The following KCNJ3 variants were observed in gnomAD, a reference collection of about 807,000 sequenced individuals.
KCNJ3 encodes the protein potassium inwardly rectifying channel subfamily J member 3.
Under a neutral mutation model 39.2 loss-of-function variants are expected in KCNJ3, and 4 were observed. That is an observed-to-expected ratio of 0.10 (90% CI 0.05 to 0.23). KCNJ3 has a LOEUF of 0.23. Among genes scored for constraint, KCNJ3 ranks in the 10% least tolerant of loss-of-function variants. KCNJ3 has a pLI of 1.00. For synonymous variants in KCNJ3, 230 were observed against 237.4 expected, an observed-to-expected ratio of 0.97 and a Z score of 0.29; for missense variants, 276 against 634.9, an observed-to-expected ratio of 0.43 and a Z score of 6.08.
At chr2:154,821,032 A>AT (rs1211138568) in intron 2 of KCNJ3, among the ~76,000 whole-genome samples, 1 of 152,126 alleles carries the variant, frequency 6.6e-6, no homozygotes, top group African/African-American at 2.4e-5. Flanking sequence ...GCTCCTGGAT[A>AT]TTATACATTC....
chr2:154,716,339 A>G (rs1685180685), intron 2 of KCNJ3, among the ~76,000 whole-genome samples: 1 of 133,096 alleles, frequency 7.5e-6, no homozygotes, highest in Non-Finnish European at 1.5e-5. Flanking sequence ...GTTCGCCAGG[A>G]TGGTCTTGAT....
intron 2 of KCNJ3, among the ~76,000 whole-genome samples, chr2:154,710,326 G>C (rs574097180): frequency 6.6e-6 from 1 of 152,036 alleles, no homozygotes; most frequent in African/African-American, 2.4e-5. Flanking sequence ...TTTTAATATC[G>C]AAGTGGGTCA....
chr2:154,788,945 G>A (rs180850696), intron 2 of KCNJ3, among the ~76,000 whole-genome samples: 15 of 152,134 alleles, frequency 9.9e-5, no homozygotes, highest in Admixed American at 2.0e-4. Context: ...TTAAAAAGCC[G>A]TGTTATCTGT....
At chr2:154,760,828 C>G (rs1686027583) in intron 2 of KCNJ3, among the ~76,000 whole-genome samples, 1 of 149,808 alleles carries the variant, frequency 6.7e-6, no homozygotes, top group South Asian at 2.1e-4. Flanking sequence ...GTTCCGCCTC[C>G]CGGGTTCATG....
chr2:154,701,862 T>C (rs1403292924), intron 1 of KCNJ3, among the ~76,000 whole-genome samples: 1 of 151,980 alleles, frequency 6.6e-6, no homozygotes, highest in Non-Finnish European at 1.5e-5. Flanking sequence ...CTTCAACTAG[T>C]CAGTTAGCGT....
chr2:154,818,837 A>G (rs1430787399), intron 2 of KCNJ3, among the ~76,000 whole-genome samples: 3 of 148,386 alleles, frequency 2.0e-5, no homozygotes, highest in Non-Finnish European at 4.5e-5. Flanking sequence ...TGCTTTTGAC[A>G]TTTTGTCCAT....
intron 2 of KCNJ3, among the ~76,000 whole-genome samples, chr2:154,785,407 G>A (rs915844424): frequency 3.9e-5 from 6 of 152,272 alleles, no homozygotes; most frequent in Admixed American, 6.5e-5. Flanking sequence ...TATGGTTTGC[G>A]TGTTTGTCCC....
intron 2 of KCNJ3, among the ~76,000 whole-genome samples, chr2:154,726,477 TG>T (rs1405550611): frequency 1.3e-5 from 2 of 152,084 alleles, no homozygotes; most frequent in Non-Finnish European, 2.9e-5. Context: ...TTAGTGTGGA[TG>T]TGGTGAAAAA....
chr2:154,808,683 A>T (rs1003486093), intron 2 of KCNJ3, among the ~76,000 whole-genome samples: 1 of 152,148 alleles, frequency 6.6e-6, no homozygotes, highest in Admixed American at 6.5e-5. Context: ...GGCATCCCAA[A>T]TTTAAAAACT....
At chr2:154,764,860 T>A (rs1574453472) in intron 2 of KCNJ3, among the ~76,000 whole-genome samples, 1 of 152,190 alleles carries the variant, frequency 6.6e-6, no homozygotes, top group Non-Finnish European at 1.5e-5. Context: ...CTCTCTTGGA[T>A]CCTTGGATGC....
intron 2 of KCNJ3, among the ~76,000 whole-genome samples, chr2:154,783,118 C>T (rs912985285): frequency 6.6e-6 from 1 of 151,908 alleles, no homozygotes; most frequent in Non-Finnish European, 1.5e-5. Flanking sequence ...GCGGAGGTTG[C>T]GGTGGGCCAA....
In KCNJ3 at chr2:154,744,890, G is replaced by A. The variant is rs568073536; in HGVS notation, c.919+35071G>A. 1.3e-4 allele frequency among the ~76,000 whole-genome samples: 20 copies of A among 151,996 alleles called. 1 individual carries two copies. In the South Asian group the frequency reaches 3.9e-3, roughly 30 times the overall value. On this transcript the variant is annotated intron_variant, in intron 2 of 2. Transcript: ENST00000295101. The stretch of plus-strand genomic sequence containing the variant: ...TGCTATAAGTTTCCATCTCAGCACT[G>A]CTTTAACTGTGTTGCTCTAATTTAA...
chr2:154,794,382 T>G (rs1686685491), intron 2 of KCNJ3, among the ~76,000 whole-genome samples: 1 of 152,022 alleles, frequency 6.6e-6, no homozygotes, highest in Non-Finnish European at 1.5e-5. Context: ...ACATTTTCAA[T>G]TTTAAGTAGA....
chr2:154,797,192 G>A (rs1283746174), intron 2 of KCNJ3, among the ~76,000 whole-genome samples: 2 of 152,136 alleles, frequency 1.3e-5, no homozygotes, highest in Non-Finnish European at 1.5e-5. Flanking sequence ...GTCTGGTGCC[G>A]AAGCATTTTA....
At chr2:154,850,022 T>G (rs1053339602) in intron 2 of KCNJ3, among the ~76,000 whole-genome samples, 79 of 121,488 alleles carry the variant, frequency 6.5e-4, no homozygotes, top group Non-Finnish European at 1.0e-3. Context: ...TTTTTTTTTT[T>G]TTTTTTTTTT....
intron 2 of KCNJ3, among the ~76,000 whole-genome samples, chr2:154,783,608 T>C (rs1011430104): frequency 3.9e-5 from 6 of 152,172 alleles, no homozygotes; most frequent in Admixed American, 2.0e-4. Context: ...TCATAAAAAC[T>C]TCATGAGGTA....
chr2:154,855,780 TACATAC>T lies in KCNJ3; in HGVS notation c.*475_*480del, dbSNP rs1290699314. The T allele has an allele frequency of 2.6e-5, 4 of 152,428 alleles. No individual in the cohort carries two copies. Among genetic ancestry groups the T allele is most frequent in the East Asian group, 3.9e-4 (2 of 5,166 alleles). The allele number at this position is 152,428 out of a possible 1,614,324, so 9.4% of individuals were successfully genotyped here. On this transcript the variant is annotated 3_prime_UTR_variant, in exon 3 of 3. Transcript: ENST00000295101. ...ACACATATACATATATATATACACA[TACATAC>T]ACATACATACATACATACATATATA...
rs146651400 is a variant in KCNJ3, at chr2:154,845,649, G to C, written c.920-9078G>C. On this transcript the variant is annotated intron_variant, in intron 2 of 2. Coordinates refer to ENST00000295101, the MANE Select transcript of KCNJ3 (RefSeq NM_002239.4). ...TTGATGAGACTGGGACATTTCCACTGTTAGGTTAAAGGAATAATAATCAGT... is the reference window on the plus strand; with the variant it reads ...TTGATGAGACTGGGACATTTCCACTCTTAGGTTAAAGGAATAATAATCAGT... 5.8e-4 allele frequency among the ~76,000 whole-genome samples: 89 copies of C among 152,240 alleles called. No individual in the cohort carries two copies. In the East Asian group the frequency reaches 0.01, roughly 18 times the overall value.
intron 2 of KCNJ3, among the ~76,000 whole-genome samples, chr2:154,854,120 C>T (rs1687800976): frequency 6.6e-6 from 1 of 152,134 alleles, no homozygotes; most frequent in African/African-American, 2.4e-5. Context: ...CCCCCCATAG[C>T]AATCCTTTGC....
Sources: gnomAD v4.1 joint callset for allele counts (sites outside exome capture counted in the v4.1 genomes callset) on GRCh38, gnomAD v4.1.1 for gene constraint, MANE v1.5 for transcripts, NCBI Gene and HGNC (gene_info 2026-07-23, HGNC 2026-07-21) for gene names.